Variants in AGL observed in about 807,000 individuals in gnomAD.
AGL encodes glycogen debranching enzyme.
AGL carries 128 observed loss-of-function variants against 199.3 expected under a neutral mutation model. That is an observed-to-expected ratio of 0.64 (90% confidence interval 0.56 to 0.74). AGL has a LOEUF of 0.74. AGL is among the 30% of genes least tolerant of loss of function. AGL has a pLI of 0.00. For synonymous variants in AGL, 584 were observed against 594.7 expected (o/e 0.98, Z 0.26); for missense variants, 1,809 against 1,820.8 (o/e 0.99, Z 0.12).
chr1:99,879,874 CTCTT>C (rs763140717), intron 12 of AGL, 45 bp from the exon 13 acceptor site: 67 of 1,513,364 alleles, frequency 4.4e-5, no homozygotes, highest in Non-Finnish European at 5.9e-5. Flanking sequence ...TCTTGCTTTT[CTCTT>C]TCTGTTACAT....
intron 14 of AGL, 79 bp downstream of exon 14, chr1:99,880,874 T>A: frequency 6.8e-7 from 1 of 1,481,056 alleles, no homozygotes; most frequent in Non-Finnish European, 9.4e-7. Flanking sequence ...GTCACAATCA[T>A]ACCCATATAC....
At chr1:99,905,203 G>A (rs553838585) in intron 27 of AGL, among the ~76,000 whole-genome samples, 1 of 151,962 alleles carries the variant, frequency 6.6e-6, no homozygotes, top group African/African-American at 2.4e-5. Context: ...GTGTGTGGTG[G>A]GGGGGTGGGT....
chr1:99,911,507 A>G (rs999607735), intron 28 of AGL, among the ~76,000 whole-genome samples: 7 of 152,194 alleles, frequency 4.6e-5, no homozygotes, highest in African/African-American at 1.2e-4. Context: ...CAGTAGCACA[A>G]TCATGGCTCA....
In AGL at chr1:99,870,552, G is replaced by T; in HGVS notation, c.817G>T (p.Ala273Ser). 1 of 1,614,012 alleles carries T rather than the reference G, an allele frequency of 6.2e-7. No homozygotes were observed. The highest frequency in any genetic ancestry group is 8.5e-7 in the Non-Finnish European group (1 of 1,179,948). Residue 273 changes from alanine (A) to serine (S), a missense_variant, in exon 6 of 34, where the codon GCT (alanine) becomes TCT (serine). Coordinates refer to ENST00000361915, the MANE Select transcript of AGL (RefSeq NM_000642.3). ...EGKYKEKGIPALIENDHHMNS... is the reference protein window; with the variant it reads ...EGKYKEKGIPSLIENDHHMNS... ...GAAATACAAAGAAAAGGGAATACCT[G>T]CTTTGATTGAAAATGATCACCATAT...
At chr1:99,893,731 C>A (rs987261147) in intron 24 of AGL, among the ~76,000 whole-genome samples, 1 of 152,110 alleles carries the variant, frequency 6.6e-6, no homozygotes, top group African/African-American at 2.4e-5. Context: ...AGTTGATAAA[C>A]AAATACAAAT....
intron 27 of AGL, among the ~76,000 whole-genome samples, chr1:99,906,239 C>T (rs1180645919): frequency 6.6e-6 from 1 of 152,086 alleles, no homozygotes; most frequent in African/African-American, 2.4e-5. Context: ...AGTCTTTGCC[C>T]TTTTGTACCT....
intron 21 of AGL, 111 bp from the exon 22 acceptor site, chr1:99,891,109 A>G: frequency 7.4e-7 from 1 of 1,345,156 alleles, no homozygotes; most frequent in Non-Finnish European, 1.1e-6. Flanking sequence ...TGCCTCTAAT[A>G]CGTATTCACC....
At chr1:99,862,125 T>C (rs952509677) in intron 3 of AGL, 132 bp from the exon 4 acceptor site, 2 of 989,534 alleles carry the variant, frequency 2.0e-6, no homozygotes, top group Non-Finnish European at 3.1e-6. Context: ...ACTTTTAAAA[T>C]GATTTTATGT....
chr1:99,896,550 A>C (rs947309329), intron 25 of AGL, among the ~76,000 whole-genome samples, 162 bp downstream of exon 25: 1 of 152,210 alleles, frequency 6.6e-6, no homozygotes, highest in Non-Finnish European at 1.5e-5. Context: ...ATAGGATCAT[A>C]AAATTTCAAA....
chr1:99,859,369 A>G (rs1649837134), intron 2 of AGL, among the ~76,000 whole-genome samples: 1 of 150,026 alleles, frequency 6.7e-6, no homozygotes. Context: ...TTTTTTAATT[A>G]GGATTATACT....
In AGL at chr1:99,899,826, T is replaced by A. The variant is rs111415975; in HGVS notation, c.3363-810T>A. Among the ~76,000 whole-genome samples the A allele has an allele frequency of 4.4e-3, 671 of 152,044 alleles. 7 individuals are homozygous for A. Among genetic ancestry groups the A allele is most frequent in the African/African-American group, 0.016 (643 of 41,446 alleles). On this transcript the variant is annotated intron_variant, in intron 25 of 33. Coordinates refer to ENST00000361915, the MANE Select transcript of AGL (RefSeq NM_000642.3). ...TAGTAGAGACGGGGTTTCACCGTGT[T>A]AGTCAGGATGGTCTCGATCTCCTGA...
intron 28 of AGL, 148 bp downstream of exon 28, chr1:99,910,995 A>G (rs1401295568): frequency 2.5e-6 from 2 of 799,308 alleles, no homozygotes; most frequent in Non-Finnish European, 4.1e-6. Context: ...CCCATTATAC[A>G]TTTACACAAT....
At chr1:99,887,663 G>T (rs926325008) in intron 20 of AGL, among the ~76,000 whole-genome samples, 4 of 151,820 alleles carry the variant, frequency 2.6e-5, no homozygotes, top group Non-Finnish European at 4.4e-5. Flanking sequence ...AACTAGAAAG[G>T]TTAAAAAAAC....
chr1:99,887,946 A>G (rs147175378), intron 20 of AGL, 32 bp from the exon 21 acceptor site: 1 of 1,611,376 alleles, frequency 6.2e-7, no homozygotes, highest in Non-Finnish European at 8.5e-7. Flanking sequence ...CGAAACTTCA[A>G]TATATGGTTA....
chr1:99,922,040 T>C lies in AGL; in HGVS notation c.*389T>C, dbSNP rs1655547031. 1 of 166,606 alleles carries C rather than the reference T, an allele frequency of 6.0e-6. No homozygotes were observed. The highest frequency in any genetic ancestry group is 1.3e-5 in the Non-Finnish European group (1 of 76,392). The allele number at this position is 166,606 out of a possible 1,614,324, so 10.3% of individuals were successfully genotyped here. ...TATAATCTTCAGTAACAATACATAC[T>C]GAATACGCTGTGGTTCATTAATATT... On this transcript the variant is annotated 3_prime_UTR_variant, in exon 34 of 34. Coordinates refer to ENST00000361915, the MANE Select transcript of AGL (RefSeq NM_000642.3).
intron 30 of AGL, 45 bp downstream of exon 30, chr1:99,913,783 G>C (rs746278111): frequency 6.3e-7 from 1 of 1,575,092 alleles, no homozygotes; most frequent in Non-Finnish European, 8.7e-7. Flanking sequence ...TGATGTGCTA[G>C]AGTTTGCTTA....
chr1:99,912,621 TA>T (rs2100855134), intron 29 of AGL, 104 bp downstream of exon 29: 2 of 844,556 alleles, frequency 2.4e-6, no homozygotes, highest in East Asian at 5.2e-5. Context: ...GGAAAACCCT[TA>T]AAATTAAGAA....
At chr1:99,903,723 AAT>A (rs1654032912) in intron 27 of AGL, among the ~76,000 whole-genome samples, 1 of 152,180 alleles carries the variant, frequency 6.6e-6, no homozygotes. Flanking sequence ...TGACTTCCAC[AAT>A]GGTTGAACTA....
rs1557743553 is a variant in AGL, at chr1:99,857,847, A to AGAGGGAGACCGTGGGGAGGGGGAGGGGG, written c.83-3655_83-3654insAGGGAGACCGTGGGGAGGGGGAGGGGGG. Among the ~76,000 whole-genome samples, 2 of 8,226 alleles carry AGAGGGAGACCGTGGGGAGGGGGAGGGGG rather than the reference A, an allele frequency of 2.4e-4. 1 individual carries two copies. The highest frequency in any genetic ancestry group is 4.8e-4 in the Non-Finnish European group (2 of 4,146). The allele number at this position is 8,226 out of a possible 152,430, so 5.4% of individuals were successfully genotyped here. A position where few individuals can be genotyped will look rare whatever the true frequency, so the allele number is the denominator to read the frequency against. ...GGAGACCGTGGGGAGGGGGAGGGGG[A>AGAGGGAGACCGTGGGGAGGGGGAGGGGG]GGGGGGAAGAGGGAGAGGGCTCTTT... On this transcript the variant is annotated intron_variant, in intron 2 of 33. Transcript: ENST00000361915.
Sources: gnomAD v4.1 joint callset for allele counts (sites outside exome capture counted in the v4.1 genomes callset) on GRCh38, gnomAD v4.1.1 for gene constraint, MANE v1.5 for transcripts, NCBI Gene and HGNC (gene_info 2026-07-23, HGNC 2026-07-21) for gene names.